The following ELMO1 variants were observed in gnomAD, a reference collection of about 807,000 sequenced individuals.
The protein encoded by ELMO1 is engulfment and cell motility 1, also known as engulfment and cell motility protein 1.
A neutral mutation model predicts 98.9 loss-of-function variants in ELMO1; 26 were observed. The ratio of observed to expected loss-of-function variants is 0.26; its 90% confidence interval spans 0.19 to 0.36. ELMO1 has a LOEUF of 0.36. Among genes scored for constraint, ELMO1 ranks in the 10% least tolerant of loss-of-function variants. The pLI is 1.00. For synonymous variants in ELMO1, 346 were observed against 346.0 expected (o/e 1.00, Z 0.00); for missense variants, 627 against 935.2 (o/e 0.67, Z 4.30).
intron 2 of ELMO1, among the ~76,000 whole-genome samples, chr7:37,324,005 G>A (rs1390859506): frequency 6.6e-6 from 1 of 152,136 alleles, no homozygotes; most frequent in Non-Finnish European, 1.5e-5. Flanking sequence ...TGGAGACCCA[G>A]CCACCAGGGG....
At chr7:37,155,309 A>G (rs763650429) in intron 13 of ELMO1, among the ~76,000 whole-genome samples, 1 of 151,990 alleles carries the variant, frequency 6.6e-6, no homozygotes, top group Non-Finnish European at 1.5e-5. Context: ...CACATAAGTA[A>G]CACCAATTAC....
intron 16 of ELMO1, among the ~76,000 whole-genome samples, chr7:36,995,024 G>A (rs1792106899): frequency 6.6e-6 from 1 of 152,104 alleles, no homozygotes; most frequent in African/African-American, 2.4e-5. Flanking sequence ...CTGGAGCTTG[G>A]TGCCAGTTCC....
At chr7:37,198,292 T>C (rs1792088801) in intron 13 of ELMO1, among the ~76,000 whole-genome samples, 1 of 152,222 alleles carries the variant, frequency 6.6e-6, no homozygotes, top group East Asian at 1.9e-4. Flanking sequence ...CAGCTGGTTA[T>C]AGTCAAATGA....
intron 16 of ELMO1, among the ~76,000 whole-genome samples, chr7:36,990,713 T>C (rs1476631631): frequency 1.3e-5 from 2 of 152,164 alleles, no homozygotes; most frequent in Non-Finnish European, 2.9e-5. Context: ...AATGTATTAT[T>C]ACTAAATCTG....
At chr7:37,395,703 A>C (rs1803269345) in intron 1 of ELMO1, among the ~76,000 whole-genome samples, 1 of 152,182 alleles carries the variant, frequency 6.6e-6, no homozygotes, top group Non-Finnish European at 1.5e-5. Flanking sequence ...TTCTCTCTCA[A>C]CATCTTGTTT....
chr7:37,083,501 G>A (rs184437407), intron 15 of ELMO1, among the ~76,000 whole-genome samples: 52 of 152,276 alleles, frequency 3.4e-4, no homozygotes, highest in Non-Finnish European at 6.9e-4. Flanking sequence ...ATGGAAATAT[G>A]TAATTATAAA....
intron 16 of ELMO1, among the ~76,000 whole-genome samples, chr7:36,925,944 A>G (rs1434927321): frequency 6.6e-6 from 1 of 152,078 alleles, no homozygotes; most frequent in Non-Finnish European, 1.5e-5. Context: ...CAGACCCAGC[A>G]GCGACACCCA....
chr7:37,124,536 T>C lies in ELMO1; in HGVS notation c.1191+8594A>G, dbSNP rs546509214. Reference sequence around the variant, plus strand: ...ATCATGAATGAACTCCCATTCACAATTGCTTCAAAGAGAATAAAATACCTA... The same window carrying C: ...ATCATGAATGAACTCCCATTCACAACTGCTTCAAAGAGAATAAAATACCTA... On this transcript the variant is annotated intron_variant, in intron 14 of 21. Transcript: ENST00000310758. Among the ~76,000 whole-genome samples the C allele has an allele frequency of 7.2e-5, 11 of 152,294 alleles. No homozygotes were observed. The East Asian group carries it at 1.9e-3, about 27-fold the overall frequency.
At chr7:36,886,400 G>T (rs1286131803) in intron 18 of ELMO1, among the ~76,000 whole-genome samples, 1 of 152,190 alleles carries the variant, frequency 6.6e-6, no homozygotes, top group Non-Finnish European at 1.5e-5. Context: ...ATGCAGCACA[G>T]GACAGTTACA....
In ELMO1 at chr7:37,314,937, C is replaced by T. The variant is rs750536986; in HGVS notation, c.120-15G>A. 9.5e-5 allele frequency: 153 copies of T among 1,606,036 alleles called. 3 individuals are homozygous for T. In the South Asian group the frequency reaches 1.5e-3, roughly 16 times the overall value. Reference sequence around the variant, plus strand: ...CAAGAGACCACCTTAAAAATACAAGCGTATACTGATTAGAAAAATGAAAGT... The same window carrying T: ...CAAGAGACCACCTTAAAAATACAAGTGTATACTGATTAGAAAAATGAAAGT... On this transcript the variant is annotated splice_polypyrimidine_tract_variant and intron_variant, in intron 3 of 21. Transcript: ENST00000310758.
intron 13 of ELMO1, among the ~76,000 whole-genome samples, chr7:37,171,536 AG>A (rs1790165901): frequency 1.7e-5 from 2 of 114,682 alleles, no homozygotes; most frequent in South Asian, 5.8e-4. Flanking sequence ...TCTGTCACCC[AG>A]GCTGGAGTGC....
intron 15 of ELMO1, among the ~76,000 whole-genome samples, chr7:37,071,832 T>C (rs1328522185): frequency 6.6e-6 from 1 of 152,178 alleles, no homozygotes; most frequent in African/African-American, 2.4e-5. Context: ...AATGCTCCCA[T>C]TTCAAACATT....
At chr7:36,971,365 A>C (rs185968389) in intron 16 of ELMO1, among the ~76,000 whole-genome samples, 7 of 152,368 alleles carry the variant, frequency 4.6e-5, no homozygotes, top group Admixed American at 4.6e-4. Flanking sequence ...AAAGAGGTCT[A>C]TTAAACAACC....
At chr7:37,096,098 A>G (rs182803752) in intron 15 of ELMO1, among the ~76,000 whole-genome samples, 15 of 152,346 alleles carry the variant, frequency 9.8e-5, no homozygotes, top group Non-Finnish European at 2.2e-4. Context: ...AAAGAGCAAT[A>G]AAAATATTGC....
chr7:37,013,179 A>C, intron 16 of ELMO1, 120 bp downstream of exon 16: 1 of 1,265,424 alleles, frequency 7.9e-7, no homozygotes, highest in Non-Finnish European at 1.1e-6. Flanking sequence ...AGCAACTATC[A>C]TTGCAATCTT....
chr7:37,424,412 G>C (rs1804622210), intron 1 of ELMO1, among the ~76,000 whole-genome samples: 1 of 152,092 alleles, frequency 6.6e-6, no homozygotes, highest in African/African-American at 2.4e-5. Context: ...TCCCACAGTA[G>C]GCTACATAGT....
intron 1 of ELMO1, among the ~76,000 whole-genome samples, chr7:37,349,845 C>G (rs1164258119): frequency 6.6e-6 from 1 of 152,220 alleles, no homozygotes; most frequent in Non-Finnish European, 1.5e-5. Flanking sequence ...TTTTGCTCTT[C>G]TCTTCTTTGT....
chr7:37,207,223 T>A (rs1238335308), intron 13 of ELMO1, among the ~76,000 whole-genome samples: 1 of 152,190 alleles, frequency 6.6e-6, no homozygotes, highest in African/African-American at 2.4e-5. Flanking sequence ...CTCTCAGGAA[T>A]CCATATGCCC....
intron 20 of ELMO1, among the ~76,000 whole-genome samples, chr7:36,865,241 T>C (rs752898337): frequency 2.0e-5 from 3 of 152,228 alleles, no homozygotes; most frequent in African/African-American, 7.2e-5. Flanking sequence ...CAGGTCATCA[T>C]GAGGGTAAAA....
Sources: allele counts gnomAD v4.1 joint callset (sites outside exome capture counted in the v4.1 genomes callset), GRCh38; gene constraint gnomAD v4.1.1; transcripts MANE v1.5; gene names NCBI Gene and HGNC (gene_info 2026-07-23, HGNC 2026-07-21).